Variants in PRELID2 observed in about 807,000 individuals in gnomAD.
The protein encoded by PRELID2 is PRELI domain containing 2.
Under a neutral mutation model 28.4 loss-of-function variants are expected in PRELID2, and 25 were observed. That is an observed-to-expected ratio of 0.88 (90% CI 0.64 to 1.23). The LOEUF is 1.23. Ranked by LOEUF, PRELID2 falls within the 50% of genes most tolerant of loss-of-function variation. The pLI, the probability that PRELID2 is intolerant of heterozygous loss-of-function variation, is 0.00. For missense variants in PRELID2, 201 were observed against 214.4 expected, an observed-to-expected ratio of 0.94 and a Z score of 0.39; for synonymous variants, 76 against 71.6, an observed-to-expected ratio of 1.06 and a Z score of -0.31.
chr5:145,677,681 A>C (rs915275338), intron 1 of PRELID2, among the ~76,000 whole-genome samples: 2 of 152,196 alleles, frequency 1.3e-5, no homozygotes, highest in Admixed American at 6.5e-5. Flanking sequence ...GAACTTTTTC[A>C]TAATAAAAGT....
the PRELID2 span, among the ~76,000 whole-genome samples, chr5:145,321,372 A>G: frequency 1.3e-5 from 2 of 152,182 alleles, no homozygotes; most frequent in East Asian, 1.9e-4. Context: ...TTCTTCCTGG[A>G]TAGCTGATTA....
At chr5:145,232,631 A>T in the PRELID2 span, among the ~76,000 whole-genome samples, 1 of 152,194 alleles carries the variant, frequency 6.6e-6, no homozygotes, top group Non-Finnish European at 1.5e-5. Flanking sequence ...TGGCAACTTA[A>T]TGAATAAATC....
At chr5:145,336,093 G>A in the PRELID2 span, among the ~76,000 whole-genome samples, 1 of 152,188 alleles carries the variant, frequency 6.6e-6, no homozygotes, top group East Asian at 1.9e-4. Context: ...GTCTGTTCAT[G>A]TCCTTTGCCC....
intron 1 of PRELID2, among the ~76,000 whole-genome samples, chr5:145,666,598 A>G (rs1433118398): frequency 1.3e-5 from 2 of 152,118 alleles, no homozygotes; most frequent in African/African-American, 2.4e-5. Flanking sequence ...CCTGTGGCAC[A>G]GCGCTCAAGG....
At chr5:145,558,537 ACACT>A (rs1323344605) in intron 1 of PRELID2, among the ~76,000 whole-genome samples, 2 of 152,202 alleles carry the variant, frequency 1.3e-5, no homozygotes, top group African/African-American at 4.8e-5. Context: ...ACCTTACGTG[ACACT>A]CAGAATTCTC....
At chr5:145,334,061 C>T in the PRELID2 span, among the ~76,000 whole-genome samples, 11 of 152,030 alleles carry the variant, frequency 7.2e-5, no homozygotes, top group African/African-American at 1.9e-4. Context: ...CTGGGTGAAC[C>T]GACGCCCCAC....
chr5:145,393,301 G>A, the PRELID2 span, among the ~76,000 whole-genome samples: 2 of 152,076 alleles, frequency 1.3e-5, no homozygotes, highest in African/African-American at 4.8e-5. Flanking sequence ...GCTCTTCAGG[G>A]GAAATATAAC....
At chr5:145,791,282 A>C (rs2149810246) in intron 5 of PRELID2, among the ~76,000 whole-genome samples, 1 of 152,282 alleles carries the variant, frequency 6.6e-6, no homozygotes, top group East Asian at 1.9e-4. Context: ...CCACCTTGAC[A>C]CGTGGGGATT....
the PRELID2 span, among the ~76,000 whole-genome samples, chr5:145,301,420 C>A: frequency 1.3e-5 from 2 of 152,086 alleles, no homozygotes; most frequent in African/African-American, 4.8e-5. Flanking sequence ...TTGAATCAGG[C>A]ATGTATAACA....
intron 5 of PRELID2, among the ~76,000 whole-genome samples, chr5:145,767,894 T>C (rs987943398): frequency 1.3e-5 from 2 of 152,132 alleles, no homozygotes; most frequent in Non-Finnish European, 2.9e-5. Flanking sequence ...TCTGAAGATA[T>C]AGTATATACT....
At chr5:145,314,051 T>G in the PRELID2 span, among the ~76,000 whole-genome samples, 1 of 152,164 alleles carries the variant, frequency 6.6e-6, no homozygotes, top group African/African-American at 2.4e-5. Context: ...TCGTACAGTT[T>G]CCCAAAGCAT....
At chr5:145,413,625 C>G in the PRELID2 span, among the ~76,000 whole-genome samples, 1 of 150,926 alleles carries the variant, frequency 6.6e-6, no homozygotes, top group African/African-American at 2.4e-5. Context: ...CACACACACA[C>G]ACACACACAC....
At chr5:145,340,297 C>A in the PRELID2 span, among the ~76,000 whole-genome samples, 2 of 152,192 alleles carry the variant, frequency 1.3e-5, no homozygotes, top group Non-Finnish European at 2.9e-5. Context: ...GCCTGCCCAA[C>A]CTGTCACAGT....
intron 1 of PRELID2, among the ~76,000 whole-genome samples, chr5:145,724,414 C>T (rs1184931193): frequency 2.0e-5 from 3 of 150,968 alleles, no homozygotes; most frequent in African/African-American, 7.3e-5. Flanking sequence ...TAAGCAGAAT[C>T]CTGAATTGAA....
At chr5:145,629,150 T>C (rs1271636887) in intron 1 of PRELID2, among the ~76,000 whole-genome samples, 2 of 152,186 alleles carry the variant, frequency 1.3e-5, no homozygotes, top group African/African-American at 4.8e-5. Context: ...GCTTAGGAAC[T>C]GCTCCTAACA....
At chr5:145,730,666 C>T (rs1051126420) in intron 1 of PRELID2, among the ~76,000 whole-genome samples, 2 of 152,038 alleles carry the variant, frequency 1.3e-5, no homozygotes, top group African/African-American at 4.8e-5. Flanking sequence ...TTGGACAAGC[C>T]CCTCATTCTA....
chr5:145,834,345 A>T (rs1441530964), intron 1 of PRELID2, among the ~76,000 whole-genome samples: 1 of 132,860 alleles, frequency 7.5e-6, no homozygotes, highest in Non-Finnish European at 1.5e-5. Context: ...TTTGTTCCTG[A>T]CCAGCTGCCT....
At chr5:145,653,170 T>C (rs1442443413) in intron 1 of PRELID2, among the ~76,000 whole-genome samples, 1 of 152,060 alleles carries the variant, frequency 6.6e-6, no homozygotes, top group Non-Finnish European at 1.5e-5. Flanking sequence ...TACATAATGG[T>C]AAAGGGATCA....
chr5:145,444,293 C>A, the PRELID2 span, among the ~76,000 whole-genome samples: 9 of 152,090 alleles, frequency 5.9e-5, no homozygotes, highest in East Asian at 1.7e-3. Context: ...GAACAGTGAA[C>A]CCTGGACTCG....
Sources: allele counts gnomAD v4.1 joint callset (sites outside exome capture counted in the v4.1 genomes callset), GRCh38; gene constraint gnomAD v4.1.1; transcripts MANE v1.5; gene names NCBI Gene and HGNC (gene_info 2026-07-23, HGNC 2026-07-21).